Variants in GRM7 observed in about 807,000 individuals in gnomAD.
GRM7 encodes metabotropic glutamate receptor 7.
A neutral mutation model predicts 84.5 loss-of-function variants in GRM7; 35 were observed. That is an observed-to-expected ratio of 0.41 (90% CI 0.32 to 0.55). The LOEUF is 0.55. GRM7 is among the 20% of genes least tolerant of loss of function. The pLI, the probability that GRM7 is intolerant of heterozygous loss-of-function variation, is 0.19. For missense variants in GRM7, 1,003 were observed against 1,194.6 expected (o/e 0.84, Z 2.36); for synonymous variants, 487 against 455.1 (o/e 1.07, Z -0.89).
At chr3:7,547,322 T>C (rs549952431) in intron 7 of GRM7, among the ~76,000 whole-genome samples, 116 of 144,484 alleles carry the variant, frequency 8.0e-4, no homozygotes, top group African/African-American at 2.8e-3. Context: ...TTCTCCTGCC[T>C]CAGCCTCCCA....
At chr3:7,650,232 A>T (rs941972591) in intron 8 of GRM7, among the ~76,000 whole-genome samples, 1 of 152,208 alleles carries the variant, frequency 6.6e-6, no homozygotes, top group South Asian at 2.1e-4. Context: ...ACAGAGTGAA[A>T]ACACTCTCAG....
chr3:7,667,696 C>T (rs1699757787), intron 8 of GRM7, among the ~76,000 whole-genome samples: 1 of 152,036 alleles, frequency 6.6e-6, no homozygotes, highest in Middle Eastern at 3.4e-3. Flanking sequence ...GCAATTTACT[C>T]ACATTCTTAT....
At chr3:7,203,911 A>G (rs895121653) in intron 2 of GRM7, among the ~76,000 whole-genome samples, 11 of 152,194 alleles carry the variant, frequency 7.2e-5, no homozygotes, top group African/African-American at 2.7e-4. Flanking sequence ...GATTCTCTAG[A>G]GAAGATGAAA....
chr3:7,524,111 A>C lies in GRM7; in HGVS notation c.1516-54311A>C, dbSNP rs183116018. Among the ~76,000 whole-genome samples the C allele has an allele frequency of 9.2e-5, 14 of 152,218 alleles. No individual in the cohort carries two copies. The East Asian group carries it at 1.5e-3, about 17-fold the overall frequency. ...ATCACTATTCACTGATCCTCAAAGA[A>C]AGTCAGATGGGTTAAAGACTTAAAC... is the stretch of plus-strand genomic sequence containing the variant. On this transcript the variant is annotated intron_variant, in intron 7 of 9. Coordinates refer to ENST00000357716, the MANE Select transcript of GRM7 (RefSeq NM_000844.4).
intron 1 of GRM7, among the ~76,000 whole-genome samples, chr3:7,124,925 C>G (rs778417566): frequency 6.6e-6 from 1 of 152,064 alleles, no homozygotes; most frequent in Non-Finnish European, 1.5e-5. Flanking sequence ...TATTACTATG[C>G]TAGTCTAAGA....
In GRM7 at chr3:7,345,274, C is replaced by CTT. The variant is rs200971436; in HGVS notation, c.1033+38635_1033+38636dup. On this transcript the variant is annotated intron_variant, in intron 4 of 9. Transcript: ENST00000357716. The stretch of plus-strand genomic sequence containing the variant: ...CTGTCTCATATCTTAACAATTATTC[C>CTT]TTTTTTTTTTTTTTCTTTGAGACAG... 1.3e-3 allele frequency among the ~76,000 whole-genome samples: 181 copies of CTT among 141,900 alleles called. 1 individual carries two copies. The highest frequency in any genetic ancestry group is 4.2e-3 in the African/African-American group (162 of 38,980). The allele number at this position is 141,900 out of a possible 152,430, so 93.1% of individuals were successfully genotyped here.
intron 8 of GRM7, among the ~76,000 whole-genome samples, chr3:7,595,568 T>C (rs1194569685): frequency 6.6e-6 from 1 of 152,154 alleles, no homozygotes; most frequent in East Asian, 1.9e-4. Flanking sequence ...GAGTATGTAA[T>C]ATATCAGTTG....
In GRM7 at chr3:7,298,673, C is replaced by G; in HGVS notation, c.737-11C>G. The G allele has an allele frequency of 6.2e-7, 1 of 1,611,464 alleles. No homozygotes were observed. The highest frequency in any genetic ancestry group is 8.5e-7 in the Non-Finnish European group (1 of 1,178,062). On this transcript the variant is annotated splice_polypyrimidine_tract_variant and intron_variant, in intron 2 of 9. Coordinates refer to ENST00000357716, the MANE Select transcript of GRM7 (RefSeq NM_000844.4). ...AACATTATTGACACTATGTTTTCTT[C>G]TCTTAAACAGGTGGACTCTGCATTG...
chr3:7,288,618 G>A (rs1354436282), intron 2 of GRM7, among the ~76,000 whole-genome samples: 1 of 152,102 alleles, frequency 6.6e-6, no homozygotes, highest in Non-Finnish European at 1.5e-5. Flanking sequence ...AAGAATGGAG[G>A]CATTAAAAAT....
rs1365192243 is a variant in GRM7 at position 7,454,090 on chromosome 3, A to ACACACTCTCTCTCTCTCT, written c.1375+1284_1375+1285insACACTCTCTCTCTCTCTC. Among the ~76,000 whole-genome samples, 40 of 140,200 alleles carry ACACACTCTCTCTCTCTCT rather than the reference A, an allele frequency of 2.9e-4. No homozygotes were observed. The East Asian group carries it at 3.1e-3, about 11-fold the overall frequency. 92.0% of individuals were successfully genotyped at this position (140,200 alleles called of 152,430 possible). A position where few individuals can be genotyped will look rare whatever the true frequency, so the allele number is the denominator to read the frequency against. On this transcript the variant is annotated intron_variant, in intron 6 of 9. Transcript: ENST00000357716. ...ACCATACATGAAAAGCTACACACAC[A>ACACACTCTCTCTCTCTCT]CTCTCTCTCTCTCTCTCTCTCTCTC...
intron 1 of GRM7, among the ~76,000 whole-genome samples, chr3:6,956,824 C>T (rs1693074086): frequency 6.6e-6 from 1 of 152,140 alleles, no homozygotes; most frequent in Non-Finnish European, 1.5e-5. Context: ...AAGGGAGAGG[C>T]TAATCTTTAA....
chr3:6,933,975 A>G (rs150605069), intron 1 of GRM7, among the ~76,000 whole-genome samples: 1 of 152,312 alleles, frequency 6.6e-6, no homozygotes, highest in Non-Finnish European at 1.5e-5. Context: ...TTAAATGAGG[A>G]CAAGGTTGGG....
chr3:7,483,194 T>C (rs1699199237), intron 7 of GRM7, among the ~76,000 whole-genome samples: 1 of 152,182 alleles, frequency 6.6e-6, no homozygotes, highest in Non-Finnish European at 1.5e-5. Context: ...TTTCTGATCA[T>C]ATGGAGGATA....
intron 1 of GRM7, among the ~76,000 whole-genome samples, chr3:7,071,753 A>G (rs1263708948): frequency 6.6e-6 from 1 of 152,098 alleles, no homozygotes. Flanking sequence ...ATTAAATATT[A>G]TTTTTGGTAT....
At chr3:7,050,654 G>A (rs1383006947) in intron 1 of GRM7, among the ~76,000 whole-genome samples, 1 of 151,924 alleles carries the variant, frequency 6.6e-6, no homozygotes, top group Non-Finnish European at 1.5e-5. Flanking sequence ...CACAAATGCT[G>A]CAAAAGCAGG....
chr3:7,680,526 A>G, intron 9 of GRM7: 1 of 525,790 alleles, frequency 1.9e-6, no homozygotes, highest in Non-Finnish European at 3.4e-6. Flanking sequence ...CAGAAGTGTG[A>G]AGCCTCCCCC....
intron 2 of GRM7, among the ~76,000 whole-genome samples, chr3:7,242,562 T>C (rs896902547): frequency 4.6e-5 from 7 of 152,192 alleles, no homozygotes; most frequent in African/African-American, 1.7e-4. Context: ...ATTGTTGAAA[T>C]TGATGGGTGT....
chr3:7,020,536 C>T (rs995124742), intron 1 of GRM7, among the ~76,000 whole-genome samples: 1 of 152,238 alleles, frequency 6.6e-6, no homozygotes, highest in East Asian at 1.9e-4. Context: ...CAACCCATAC[C>T]TACTGACATA....
intron 1 of GRM7, chr3:6,893,963 T>C (rs1374041123): frequency 6.6e-6 from 1 of 152,166 alleles, no homozygotes; most frequent in Non-Finnish European, 1.5e-5. Context: ...TGTTCATTCT[T>C]TCCTGGGGGC....
Sources: gnomAD v4.1 joint callset for allele counts (sites outside exome capture counted in the v4.1 genomes callset) on GRCh38, gnomAD v4.1.1 for gene constraint, MANE v1.5 for transcripts, NCBI Gene and HGNC (gene_info 2026-07-23, HGNC 2026-07-21) for gene names.